PCDHGB5: variants seen among roughly 807,000 people sequenced by gnomAD.
The protein encoded by PCDHGB5 is protocadherin gamma subfamily B, 5, also known as protocadherin gamma-B5.
A neutral mutation model predicts 62.9 loss-of-function variants in PCDHGB5; 48 were observed. That is an observed-to-expected ratio of 0.76 (90% confidence interval 0.61 to 0.97). PCDHGB5 has a LOEUF of 0.97. Among genes scored for constraint, PCDHGB5 ranks in the 50% least tolerant of loss-of-function variants. PCDHGB5 has a pLI of 0.00. For synonymous variants in PCDHGB5, 474 were observed against 511.2 expected (o/e 0.93, Z 0.98); for missense variants, 1,118 against 1,198.6 (o/e 0.93, Z 0.99).
chr5:141,421,869 A>G lies in PCDHGB5; in HGVS notation c.2397+21345A>G, dbSNP rs200015978. 1.5e-5 allele frequency: 24 copies of G among 1,613,732 alleles called. No individual in the cohort carries two copies. The African/African-American group carries it at 3.1e-4, about 21-fold the overall frequency. ...AGGCTGCTCACCTGCTCCTCCTCAC[A>G]GCTTTAGATGGAGGCGATCCCATCC... On this transcript the variant is annotated intron_variant, in intron 1 of 3. Transcript: ENST00000617380.
intron 1 of PCDHGB5, chr5:141,416,261 A>G (rs2096009073): frequency 6.6e-6 from 1 of 152,294 alleles, no homozygotes; most frequent in Non-Finnish European, 1.5e-5. Flanking sequence ...ACACTGCAGT[A>G]TCCTTTTTGC....
chr5:141,419,632 G>A (rs1210031265), intron 1 of PCDHGB5: 1 of 1,612,432 alleles, frequency 6.2e-7, no homozygotes, highest in Admixed American at 1.7e-5. Flanking sequence ...TGACCAAGGT[G>A]GTGGCCGTGG....
At position 141,399,391 on chromosome 5, in the gene PCDHGB5, G is replaced by C; in HGVS notation, c.1264G>C (p.Asp422His). 4 of 1,613,964 alleles carry C rather than the reference G, an allele frequency of 2.5e-6. No homozygotes were observed. Among genetic ancestry groups the C allele is most frequent in the Non-Finnish European group, 3.4e-6 (4 of 1,179,894 alleles). Reference protein sequence around the residue: ...PEYNVTITATDRGKPPLSSSI... With the variant: ...PEYNVTITATHRGKPPLSSSI... ...GTACAATGTCACCATCACAGCCACA[G>C]ACAGGGGCAAGCCGCCCCTCTCCTC... The change falls in exon 1 of 4, where the codon GAC becomes CAC. Residue 422 changes from aspartate (D) to histidine (H), a missense_variant. Physicochemically the swap from Asp to His is moderately conservative, Grantham distance 81. This residue lies in a region of PCDHGB5 where 1,034 missense variants were observed against 1,029.1 expected (regional missense o/e 1.00). Transcript: ENST00000617380.
At chr5:141,503,743 G>C (rs1465272424) in intron 2 of PCDHGB5, among the ~76,000 whole-genome samples, 1 of 152,126 alleles carries the variant, frequency 6.6e-6, no homozygotes, top group Non-Finnish European at 1.5e-5. Context: ...TGATGGTATA[G>C]AGGTCACACA....
chr5:141,450,183 A>G (rs1461369835), intron 1 of PCDHGB5, among the ~76,000 whole-genome samples: 1 of 151,558 alleles, frequency 6.6e-6, no homozygotes, highest in Non-Finnish European at 1.5e-5. Context: ...ACACCCAGCT[A>G]ATTTTTGTAT....
intron 1 of PCDHGB5, chr5:141,422,368 G>A: frequency 1.9e-6 from 3 of 1,565,294 alleles, no homozygotes; most frequent in Non-Finnish European, 2.6e-6. Context: ...TGGAGAAAAT[G>A]GTCAAGTCTC....
At chr5:141,408,816 A>T in intron 1 of PCDHGB5, 1 of 1,613,562 alleles carries the variant, frequency 6.2e-7, no homozygotes, top group East Asian at 2.2e-5. Flanking sequence ...CGGGAAGAAC[A>T]GAGATCTCAT....
intron 1 of PCDHGB5, among the ~76,000 whole-genome samples, chr5:141,454,491 C>T (rs956727548): frequency 6.6e-6 from 1 of 152,194 alleles, no homozygotes; most frequent in South Asian, 2.1e-4. Context: ...ACCGCAACCT[C>T]CACCTCCTGG....
chr5:141,402,610 G>A (rs900326336), intron 1 of PCDHGB5, among the ~76,000 whole-genome samples: 1 of 152,168 alleles, frequency 6.6e-6, no homozygotes, highest in Admixed American at 6.5e-5. Context: ...AAATACAAAT[G>A]CAAGAAACAA....
chr5:141,448,190 C>T (rs1426828578), intron 1 of PCDHGB5, among the ~76,000 whole-genome samples: 1 of 152,118 alleles, frequency 6.6e-6, no homozygotes, highest in Non-Finnish European at 1.5e-5. Flanking sequence ...GTTATGTACA[C>T]TTACAAACAT....
At position 141,491,651 on chromosome 5, in the gene PCDHGB5, A is replaced by G. The variant is rs1379494110; in HGVS notation, c.2398-3156A>G. 1.9e-6 allele frequency: 3 copies of G among 1,613,796 alleles called. 1 individual carries two copies. ...CAGCAGCCCACAGCTCTGGCGCTGGAGCCTGACGCCATCCGGTCCCGCTCT... is the reference window on the plus strand; with the variant it reads ...CAGCAGCCCACAGCTCTGGCGCTGGGGCCTGACGCCATCCGGTCCCGCTCT... On this transcript the variant is annotated intron_variant, in intron 1 of 3. Coordinates refer to ENST00000617380, the MANE Select transcript of PCDHGB5 (RefSeq NM_018925.3). The surrounding 1 kb of genome is among the most constrained non-coding windows in gnomAD (Gnocchi z 6.9).
At chr5:141,444,873 C>T (rs1298516499) in intron 1 of PCDHGB5, among the ~76,000 whole-genome samples, 1 of 152,080 alleles carries the variant, frequency 6.6e-6, no homozygotes, top group African/African-American at 2.4e-5. Flanking sequence ...CAGGACAAAG[C>T]TTGTAGGATT....
Position 141,476,755 on chromosome 5 carries a change from G to A in PCDHGB5, c.2398-18052G>A, listed in dbSNP as rs1307512875. The stretch of plus-strand genomic sequence containing the variant: ...AACGGGAGCCTAGTCTCCAGTTAGT[G>A]CTGACGGCGTTGGACGGAGGGACCC... On this transcript the variant is annotated intron_variant, in intron 1 of 3. Coordinates refer to ENST00000617380, the MANE Select transcript of PCDHGB5 (RefSeq NM_018925.3). This position sits in a 1 kb window ranked among gnomAD's most constrained non-coding sequence, Gnocchi z 7.6. 1.2e-6 allele frequency: 2 copies of A among 1,613,828 alleles called. No homozygotes were observed. Among genetic ancestry groups the A allele is most frequent in the Non-Finnish European group, 1.7e-6 (2 of 1,180,036 alleles).
intron 1 of PCDHGB5, chr5:141,405,281 G>A (rs1001215863): frequency 1.2e-6 from 2 of 1,614,158 alleles, no homozygotes; most frequent in Non-Finnish European, 1.7e-6. Flanking sequence ...CAACTATGCA[G>A]ACACACTCAT....
chr5:141,418,897 A>T, intron 1 of PCDHGB5: 1 of 1,613,980 alleles, frequency 6.2e-7, no homozygotes, highest in Non-Finnish European at 8.5e-7. Flanking sequence ...ACAGCCCAGA[A>T]ATAATCATCA....
intron 3 of PCDHGB5, among the ~76,000 whole-genome samples, chr5:141,510,373 T>TC (rs112437269): frequency 0.25 from 37,727 of 151,394 alleles, 4,765 homozygotes; most frequent in Admixed American, 0.33. Context: ...GAATCTCTAC[T>TC]CGTGCCAGGC....
intron 1 of PCDHGB5, chr5:141,423,316 G>C (rs1424301976): frequency 1.2e-6 from 2 of 1,614,044 alleles, no homozygotes; most frequent in Non-Finnish European, 1.7e-6. Context: ...CTTGGTGGTG[G>C]CGGTGGCCGC....
intron 1 of PCDHGB5, chr5:141,410,998 T>C: frequency 5.8e-6 from 1 of 173,396 alleles, no homozygotes; most frequent in South Asian, 1.4e-4. Context: ...GGATTACTGG[T>C]GCCCCTCACC....
chr5:141,455,919 A>T, intron 1 of PCDHGB5, among the ~76,000 whole-genome samples: 1 of 145,568 alleles, frequency 6.9e-6, no homozygotes, highest in Non-Finnish European at 1.5e-5. Context: ...TTATTTTGAG[A>T]CGGAGTCTCG....
Sources: allele counts gnomAD v4.1 joint callset (sites outside exome capture counted in the v4.1 genomes callset), GRCh38; gene constraint gnomAD v4.1.1; regional missense constraint gnomAD v4.1.1; non-coding constraint Gnocchi (gnomAD v3.1); transcripts MANE v1.5; gene names NCBI Gene and HGNC (gene_info 2026-07-23, HGNC 2026-07-21).